AGPAT3: variants seen among roughly 807,000 people sequenced by gnomAD.
The protein encoded by AGPAT3 is 1-acylglycerol-3-phosphate O-acyltransferase 3.
AGPAT3 carries 5 observed loss-of-function variants against 47.3 expected under a neutral mutation model. The ratio of observed to expected loss-of-function variants is 0.11; its 90% confidence interval spans 0.06 to 0.22. The LOEUF is 0.22. Ranked by LOEUF, AGPAT3 falls within the 10% of genes least tolerant of loss-of-function variation. The probability of loss-of-function intolerance (pLI) is 1.00; values close to 1 mark genes in which losing one functional copy is unlikely to be tolerated. For synonymous variants in AGPAT3, 212 were observed against 208.3 expected (o/e 1.02, Z -0.15); for missense variants, 315 against 493.0 (o/e 0.64, Z 3.42).
chr21:43,952,915 G>A lies in AGPAT3; in HGVS notation c.-48-6719G>A, dbSNP rs1569086176. On this transcript the variant is annotated intron_variant, in intron 2 of 9. Coordinates refer to ENST00000291572, the MANE Select transcript of AGPAT3 (RefSeq NM_020132.5). The surrounding 1 kb of genome is among the most constrained non-coding windows in gnomAD (Gnocchi z 5.6). Reference sequence around the variant, plus strand: ...TCCCAGGCGTTCTCCAAGGTCCCCAGGGTGCTGGGGGCTGCCCAGGCTATC... The same window carrying A: ...TCCCAGGCGTTCTCCAAGGTCCCCAAGGTGCTGGGGGCTGCCCAGGCTATC... Among the ~76,000 whole-genome samples, 1 of 152,140 alleles carries A rather than the reference G, an allele frequency of 6.6e-6. No individual in the cohort carries two copies. Among genetic ancestry groups the A allele is most frequent in the Non-Finnish European group, 1.5e-5 (1 of 68,028 alleles).
intron 7 of AGPAT3, among the ~76,000 whole-genome samples, chr21:43,974,078 T>A (rs1034536113): frequency 3.9e-5 from 6 of 151,972 alleles, no homozygotes; most frequent in Non-Finnish European, 7.4e-5. Flanking sequence ...TGTGTGTTCA[T>A]GTGGGATGTG....
chr21:43,952,139 G>A lies in AGPAT3; in HGVS notation c.-48-7495G>A, dbSNP rs1225582344. On this transcript the variant is annotated intron_variant, in intron 2 of 9. Coordinates refer to ENST00000291572, the MANE Select transcript of AGPAT3 (RefSeq NM_020132.5). This position sits in a 1 kb window ranked among gnomAD's most constrained non-coding sequence, Gnocchi z 5.6. Reference sequence around the variant, plus strand: ...GATGAGGCGGCCTGTGAGTGCGATTGGGCTGTGTGACGGCACCAGAGGCGG... The same window carrying A: ...GATGAGGCGGCCTGTGAGTGCGATTAGGCTGTGTGACGGCACCAGAGGCGG... Among the ~76,000 whole-genome samples, 2 of 152,082 alleles carry A rather than the reference G, an allele frequency of 1.3e-5. No homozygotes were observed. Among genetic ancestry groups the A allele is most frequent in the African/African-American group, 4.8e-5 (2 of 41,422 alleles).
At chr21:43,936,534 A>G (rs2087454404) in intron 2 of AGPAT3, among the ~76,000 whole-genome samples, 2 of 152,244 alleles carry the variant, frequency 1.3e-5, no homozygotes, top group African/African-American at 4.8e-5. Flanking sequence ...CGGCAGAGGA[A>G]GACACAGTGA....
At chr21:43,906,133 C>A (rs1302004701) in intron 2 of AGPAT3, among the ~76,000 whole-genome samples, 1 of 152,150 alleles carries the variant, frequency 6.6e-6, no homozygotes, top group East Asian at 1.9e-4. Context: ...GAAAGAAGGG[C>A]AGGTTGGAAA....
intron 2 of AGPAT3, among the ~76,000 whole-genome samples, chr21:43,929,571 C>A (rs566541090): frequency 1.6e-4 from 25 of 152,368 alleles, no homozygotes; most frequent in African/African-American, 4.6e-4. Flanking sequence ...CACAGCAAAG[C>A]CACCTCCCCC....
intron 1 of AGPAT3, among the ~76,000 whole-genome samples, chr21:43,886,480 G>T (rs2085981602): frequency 6.6e-6 from 1 of 152,084 alleles, no homozygotes; most frequent in South Asian, 2.1e-4. Flanking sequence ...TCGAACTCCT[G>T]ACCTCAAGTG....
chr21:43,867,016 C>T (rs558077813), intron 1 of AGPAT3: 2 of 152,412 alleles, frequency 1.3e-5, no homozygotes, highest in East Asian at 1.9e-4. Flanking sequence ...TGGGGAGCTA[C>T]ACCCTGCGCC....
At chr21:43,882,786 C>G (rs2085881610) in intron 1 of AGPAT3, among the ~76,000 whole-genome samples, 1 of 152,252 alleles carries the variant, frequency 6.6e-6, no homozygotes, top group African/African-American at 2.4e-5. Flanking sequence ...GCCACGGGTG[C>G]CCTGGTCTTG....
At chr21:43,949,991 G>A (rs1403440725) in intron 2 of AGPAT3, among the ~76,000 whole-genome samples, 2 of 152,124 alleles carry the variant, frequency 1.3e-5, no homozygotes, top group African/African-American at 2.4e-5. Context: ...TAAACTTCCA[G>A]TTTCCCCCTC....
In AGPAT3 at chr21:43,981,177, T is replaced by A; in HGVS notation, c.1032T>A (p.Phe344Leu). The change falls in exon 9 of 10, where the codon TTT becomes TTA. Residue 344 changes from phenylalanine (F) to leucine (L), a missense_variant. Phe to Leu is a conservative substitution (Grantham distance 22). Coordinates refer to ENST00000291572, the MANE Select transcript of AGPAT3 (RefSeq NM_020132.5). This position sits in a 1 kb window ranked among gnomAD's most constrained non-coding sequence, Gnocchi z 5.3. ...TCCTGATCCTGACTTTCTTGGGGTT[T>A]GTGGGAGCAGGTAATGGACACTGTC... is the stretch of plus-strand genomic sequence containing the variant. ...SPLLILTFLG[F>L]VGAASFGVRR... The A allele has an allele frequency of 6.2e-7, 1 of 1,614,192 alleles. No individual in the cohort carries two copies. Among genetic ancestry groups the A allele is most frequent in the Non-Finnish European group, 8.5e-7 (1 of 1,180,028 alleles).
At position 43,986,923 on chromosome 21, in the gene AGPAT3, G is replaced by A. The variant is rs1334358836; in HGVS notation, c.*4531G>A. Among the ~76,000 whole-genome samples the A allele has an allele frequency of 6.6e-6, 1 of 152,218 alleles. No homozygotes were observed. The highest frequency in any genetic ancestry group is 1.5e-5 in the Non-Finnish European group (1 of 68,034). On this transcript the variant is annotated 3_prime_UTR_variant, in exon 10 of 10. Transcript: ENST00000291572. The stretch of plus-strand genomic sequence containing the variant: ...AGGTATTTTTGGTCTTTAGAAGCTT[G>A]TCGGGGTGAGGGCTGCTAACTTACA...
chr21:43,912,750 T>G (rs2086654328), intron 2 of AGPAT3, among the ~76,000 whole-genome samples: 1 of 152,262 alleles, frequency 6.6e-6, no homozygotes, highest in Non-Finnish European at 1.5e-5. Flanking sequence ...TGTCCCGGGA[T>G]AAACCATATG....
At chr21:43,968,476 G>A (rs1004648241) in intron 4 of AGPAT3, among the ~76,000 whole-genome samples, 16 of 151,696 alleles carry the variant, frequency 1.1e-4, no homozygotes, top group Non-Finnish European at 1.8e-4. Flanking sequence ...AGCAGTGGGG[G>A]TCCCAGCAGA....
chr21:43,885,039 A>T (rs1317681586), intron 1 of AGPAT3, among the ~76,000 whole-genome samples: 1 of 152,234 alleles, frequency 6.6e-6, no homozygotes, highest in East Asian at 1.9e-4. Context: ...TTTACTAAAG[A>T]TGTGCTTCAA....
intron 1 of AGPAT3, among the ~76,000 whole-genome samples, chr21:43,893,757 G>A (rs941240876): frequency 2.0e-5 from 3 of 152,174 alleles, no homozygotes; most frequent in African/African-American, 4.8e-5. Context: ...CCGCTCGGCC[G>A]AGCAGTTCAG....
In AGPAT3 at chr21:43,959,728, T is replaced by TG; in HGVS notation, c.49dup (p.Val17GlyfsTer94). 2 of 1,613,872 alleles carry TG rather than the reference T, an allele frequency of 1.2e-6. No homozygotes were observed. The highest frequency in any genetic ancestry group is 1.7e-6 in the Non-Finnish European group (2 of 1,179,936). ...AAGACCCAGTTCGTGCTGCACCTGC[T>TG]GGTCGGCTTTGTCTTCGTGGTGAGT... On this transcript the variant is annotated frameshift_variant, in exon 3 of 10. Transcript: ENST00000291572. LOFTEE classifies it high-confidence loss of function.
intron 1 of AGPAT3, among the ~76,000 whole-genome samples, chr21:43,891,920 A>G (rs571521528): frequency 0.016 from 2,411 of 152,220 alleles, 67 homozygotes; most frequent in African/African-American, 0.055. Flanking sequence ...AAGGTTTTCC[A>G]TTTACTTTGC....
chr21:43,960,473 G>T (rs1439272898), intron 3 of AGPAT3, among the ~76,000 whole-genome samples: 1 of 152,214 alleles, frequency 6.6e-6, no homozygotes, highest in Non-Finnish European at 1.5e-5. Context: ...TCTCTGGAGG[G>T]TGGTTTGGCA....
chr21:43,934,315 G>A lies in AGPAT3; in HGVS notation c.-48-25319G>A, dbSNP rs1054051217. On this transcript the variant is annotated intron_variant, in intron 2 of 9. Transcript: ENST00000291572. This position sits in a 1 kb window ranked among gnomAD's most constrained non-coding sequence, Gnocchi z 4.7. ...TCCCCACCTCCCAAGGGCGGAAGGA[G>A]GGGCCTCCAGGCCTCGTCTTCCTTC... Among the ~76,000 whole-genome samples the A allele has an allele frequency of 1.3e-5, 2 of 152,254 alleles. No individual in the cohort carries two copies. Among genetic ancestry groups the A allele is most frequent in the African/African-American group, 4.8e-5 (2 of 41,474 alleles).
Sources: gnomAD v4.1 joint callset for allele counts (sites outside exome capture counted in the v4.1 genomes callset) on GRCh38, gnomAD v4.1.1 for gene constraint, Gnocchi (gnomAD v3.1) non-coding constraint, MANE v1.5 for transcripts, NCBI Gene and HGNC (gene_info 2026-07-23, HGNC 2026-07-21) for gene names.